Variants in POLR3GL observed in about 807,000 individuals in gnomAD.
POLR3GL encodes RNA polymerase III subunit GL, also known as DNA-directed RNA polymerase III subunit RPC7-like.
In POLR3GL, 26 loss-of-function variants were observed where a neutral mutation model predicts 32.4. The observed-to-expected ratio is 0.80, with a 90% CI of 0.59 to 1.11. The LOEUF is 1.11. Ranked by LOEUF, POLR3GL falls within the 50% of genes most tolerant of loss-of-function variation. The pLI is 0.00. For missense variants in POLR3GL, 229 were observed against 280.1 expected, an observed-to-expected ratio of 0.82 and a Z score of 1.30; for synonymous variants, 95 against 98.7, an observed-to-expected ratio of 0.96 and a Z score of 0.22.
intron 1 of POLR3GL, among the ~76,000 whole-genome samples, chr1:145,968,589 T>C (rs1401210353): frequency 5.3e-5 from 8 of 150,880 alleles, no homozygotes; most frequent in African/African-American, 1.7e-4. Context: ...TTTTTTTTTT[T>C]GAGACAGAGT....
chr1:145,976,562 G>A (rs1650563263), intron 3 of POLR3GL, among the ~76,000 whole-genome samples: 1 of 131,532 alleles, frequency 7.6e-6, no homozygotes, highest in Non-Finnish European at 1.6e-5. Flanking sequence ...AGGCGACAGT[G>A]CGAGATTCTG....
chr1:145,972,241 G>T (rs901535874), intron 1 of POLR3GL, among the ~76,000 whole-genome samples: 11 of 151,240 alleles, frequency 7.3e-5, no homozygotes, highest in Non-Finnish European at 1.3e-4. Context: ...TTAGCCGGGC[G>T]TGGTGGCACA....
intron 1 of POLR3GL, among the ~76,000 whole-genome samples, chr1:145,973,882 C>T (rs782250061): frequency 6.3e-5 from 9 of 143,892 alleles, no homozygotes; most frequent in Non-Finnish European, 1.4e-4. Context: ...TGGCCTCTCG[C>T]GGTGGCTCAT....
intron 1 of POLR3GL, among the ~76,000 whole-genome samples, chr1:145,970,424 G>A (rs1346237606): frequency 6.6e-6 from 1 of 152,210 alleles, no homozygotes; most frequent in South Asian, 2.1e-4. Context: ...GGGATTACAG[G>A]TGTGAACCAC....
chr1:145,971,749 G>A (rs1300362187), intron 1 of POLR3GL, among the ~76,000 whole-genome samples: 1 of 150,390 alleles, frequency 6.6e-6, no homozygotes, highest in African/African-American at 2.4e-5. Flanking sequence ...GGCGGATCAT[G>A]AGATCAGGAG....
intron 1 of POLR3GL, among the ~76,000 whole-genome samples, chr1:145,969,997 G>A (rs1176843354): frequency 2.0e-5 from 3 of 150,846 alleles, no homozygotes; most frequent in Non-Finnish European, 2.9e-5. Flanking sequence ...CAAATTAACC[G>A]TTGTTAATTT....
Position 145,977,468 on chromosome 1 carries a change from TC to T in POLR3GL, c.326-12del. 1.9e-6 allele frequency: 3 copies of T among 1,613,308 alleles called. No individual in the cohort carries two copies. The African/African-American group carries it at 4.0e-5, about 22-fold the overall frequency. ...GGCAGGGTCCTATTGACATTTACGT[TC>T]CCACTATTCCCAGATTGGCGGCGTC... On this transcript the variant is annotated splice_polypyrimidine_tract_variant and intron_variant, in intron 4 of 7. Coordinates refer to ENST00000369314, the MANE Select transcript of POLR3GL (RefSeq NM_032305.3).
rs1458435608 is a variant in POLR3GL, at chr1:145,977,779, G to C, written c.384G>C (p.Arg128=). 1.9e-6 allele frequency: 3 copies of C among 1,613,948 alleles called. No individual in the cohort carries two copies. Among genetic ancestry groups the C allele is most frequent in the Non-Finnish European group, 2.5e-6 (3 of 1,179,864 alleles). ...KIRVRKLQKE[R]ITILLPKRPP... ...TTTACCTTTTGATCCCTCCACCAGG[G>C]ATTACAATTCTGCTCCCCAAGAGGC... is the stretch of plus-strand genomic sequence containing the variant. The change falls in exon 6 of 8, where the codon CGG becomes CGC. Residue 128 remains arginine (R), a splice_region_variant and synonymous_variant. Transcript: ENST00000369314.
At chr1:145,970,087 T>C (rs1394189032) in intron 1 of POLR3GL, among the ~76,000 whole-genome samples, 1 of 152,206 alleles carries the variant, frequency 6.6e-6, no homozygotes, top group Non-Finnish European at 1.5e-5. Flanking sequence ...TTCTACATAT[T>C]ATTTTTAAAT....
At chr1:145,970,466 G>T (rs1473973313) in intron 1 of POLR3GL, among the ~76,000 whole-genome samples, 5 of 150,728 alleles carry the variant, frequency 3.3e-5, no homozygotes, top group African/African-American at 1.2e-4. Context: ...TTTGTTTTTT[G>T]TTTTTGTTTT....
chr1:145,978,144 A>C, intron 7 of POLR3GL, 48 bp downstream of exon 7: 2 of 1,565,556 alleles, frequency 1.3e-6, no homozygotes, highest in Non-Finnish European at 1.7e-6. Context: ...TACCCTCTTT[A>C]TACTAGGGTT....
In POLR3GL at chr1:145,975,402, C is replaced by G. The variant is rs1448397931; in HGVS notation, c.222C>G (p.Leu74=). The G allele has an allele frequency of 1.2e-6, 2 of 1,614,128 alleles. No homozygotes were observed. Among genetic ancestry groups the G allele is most frequent in the Non-Finnish European group, 1.7e-6 (2 of 1,179,954 alleles). Residue 74 remains leucine, a synonymous_variant, in exon 3 of 8, where the codon CTC becomes CTG. Coordinates refer to ENST00000369314, the MANE Select transcript of POLR3GL (RefSeq NM_032305.3). ...KQELRGAMRQ[L]PYFIRPAVPK... Reference sequence around the variant, plus strand: ...AGCTACGAGGAGCCATGAGGCAGCTCCCCTACTTCATCCGGCCAGCTGTCC... The same window carrying G: ...AGCTACGAGGAGCCATGAGGCAGCTGCCCTACTTCATCCGGCCAGCTGTCC...
chr1:145,975,135 A>C, intron 2 of POLR3GL, 144 bp downstream of exon 2: 1 of 1,316,554 alleles, frequency 7.6e-7, no homozygotes, highest in Non-Finnish European at 1.0e-6. Context: ...TTTTGCAGGC[A>C]AAGAAGTGTC....
At chr1:145,970,183 T>C (rs1650215225) in intron 1 of POLR3GL, among the ~76,000 whole-genome samples, 1 of 152,204 alleles carries the variant, frequency 6.6e-6, no homozygotes, top group Non-Finnish European at 1.5e-5. Context: ...AAGGTCTCTG[T>C]CACCCAGGGT....
chr1:145,975,140 A>C, intron 2 of POLR3GL, 149 bp downstream of exon 2: 1 of 1,302,646 alleles, frequency 7.7e-7, no homozygotes, highest in Non-Finnish European at 1.0e-6. Flanking sequence ...CAGGCAAAGA[A>C]GTGTCCACCT....
In POLR3GL at chr1:145,964,784, G is replaced by C. The variant is rs1649945463; in HGVS notation, c.-42+16G>C. On this transcript the variant is annotated intron_variant, in intron 1 of 7. Transcript: ENST00000369314. ...GGGGCAGCAGGTAAGGCTTGACCTG[G>C]TTCGGTCCGACACTTGCCAAACTTG... The C allele has an allele frequency of 6.6e-6, 1 of 152,260 alleles. No individual in the cohort carries two copies. Among genetic ancestry groups the C allele is most frequent in the Non-Finnish European group, 1.5e-5 (1 of 68,074 alleles). 9.4% of individuals were successfully genotyped at this position (152,260 alleles called of 1,614,324 possible).
chr1:145,972,012 A>ATATATATATGTGTG (rs782186587), intron 1 of POLR3GL, among the ~76,000 whole-genome samples: 130 of 112,550 alleles, frequency 1.2e-3, no homozygotes, highest in African/African-American at 5.0e-3. Context: ...ATATATATAT[A>ATATATATATGTGTG]CGTGTGTGTG....
rs781954773 is a variant in POLR3GL at position 145,975,470 on chromosome 1, C to A, written c.256+34C>A. On this transcript the variant is annotated intron_variant, in intron 3 of 7. Coordinates refer to ENST00000369314, the MANE Select transcript of POLR3GL (RefSeq NM_032305.3). The stretch of plus-strand genomic sequence containing the variant: ...GAATGCTAGCATCATATTCTGAGTG[C>A]CTTCCATGGGGAGTGCCCTGTGCTC... 55 of 1,605,706 alleles carry A rather than the reference C, an allele frequency of 3.4e-5. No homozygotes were observed. In the Middle Eastern group the frequency reaches 8.3e-4, roughly 24 times the overall value.
chr1:145,974,493 G>A (rs1650461340), intron 1 of POLR3GL, among the ~76,000 whole-genome samples: 1 of 152,188 alleles, frequency 6.6e-6, no homozygotes, highest in Non-Finnish European at 1.5e-5. Flanking sequence ...AAGCCTGGGT[G>A]ACAGAGCATC....
Sources: gnomAD v4.1 joint callset for allele counts (sites outside exome capture counted in the v4.1 genomes callset) on GRCh38, gnomAD v4.1.1 for gene constraint, MANE v1.5 for transcripts, NCBI Gene and HGNC (gene_info 2026-07-23, HGNC 2026-07-21) for gene names.